CNTN4: variants seen among roughly 807,000 people sequenced by gnomAD.
CNTN4 encodes the protein contactin 4, also known as contactin-4.
A neutral mutation model predicts 122.5 loss-of-function variants in CNTN4; 77 were observed. That is an observed-to-expected ratio of 0.63 (90% confidence interval 0.52 to 0.76). CNTN4 has a LOEUF of 0.76. Among genes scored for constraint, CNTN4 ranks in the 30% least tolerant of loss-of-function variants. The pLI is 0.00. For synonymous variants in CNTN4, 512 were observed against 447.0 expected (o/e 1.15, Z -1.83); for missense variants, 1,256 against 1,259.1 (o/e 1.00, Z 0.04).
chr3:2,990,522 T>C (rs1222874197), intron 14 of CNTN4, among the ~76,000 whole-genome samples: 1 of 152,194 alleles, frequency 6.6e-6, no homozygotes. Flanking sequence ...ATCCTTCTTA[T>C]AAGTATTGGC....
At chr3:2,250,305 C>A (rs1267797237) in intron 2 of CNTN4, among the ~76,000 whole-genome samples, 1 of 151,794 alleles carries the variant, frequency 6.6e-6, no homozygotes, top group Non-Finnish European at 1.5e-5. Flanking sequence ...TGACTAGAAC[C>A]CAGATTTTCT....
chr3:2,959,512 T>G (rs73116630), intron 13 of CNTN4, among the ~76,000 whole-genome samples: 1,814 of 152,250 alleles, frequency 0.012, 34 homozygotes, highest in African/African-American at 0.041. Context: ...AAAAAATCAT[T>G]GAGGAGCTTA....
chr3:2,488,119 T>C (rs2076213930), intron 3 of CNTN4, among the ~76,000 whole-genome samples: 2 of 152,224 alleles, frequency 1.3e-5, no homozygotes, highest in Admixed American at 1.3e-4. Flanking sequence ...TTAGCCAGAA[T>C]GCACATTTTA....
chr3:2,926,850 A>G (rs2094477744), intron 13 of CNTN4, among the ~76,000 whole-genome samples: 1 of 152,120 alleles, frequency 6.6e-6, no homozygotes, highest in African/African-American at 2.4e-5. Flanking sequence ...TCCCTTTCTG[A>G]TTTCTGGTGT....
intron 3 of CNTN4, among the ~76,000 whole-genome samples, chr3:2,405,944 TAGAGTC>T (rs1392324732): frequency 1.3e-5 from 2 of 151,714 alleles, no homozygotes; most frequent in Non-Finnish European, 2.9e-5. Context: ...GGAGGACTGC[TAGAGTC>T]CGGGAGGTCA....
intron 6 of CNTN4, among the ~76,000 whole-genome samples, chr3:2,746,192 A>AAGGTG (rs1426938025): frequency 7.1e-6 from 1 of 141,422 alleles, no homozygotes; most frequent in Non-Finnish European, 1.6e-5. Context: ...TTTAACGATA[A>AAGGTG]AGGTGAGAGT....
intron 3 of CNTN4, among the ~76,000 whole-genome samples, chr3:2,423,608 C>T (rs2047694965): frequency 6.6e-6 from 1 of 151,508 alleles, no homozygotes; most frequent in Non-Finnish European, 1.5e-5. Flanking sequence ...GAAAAATTTG[C>T]TCTGGTTTTG....
chr3:2,242,653 G>A (rs1234123551), intron 2 of CNTN4, among the ~76,000 whole-genome samples: 1 of 152,120 alleles, frequency 6.6e-6, no homozygotes, highest in Non-Finnish European at 1.5e-5. Flanking sequence ...CAATCTTCCT[G>A]TGCTCTATTG....
chr3:2,720,685 C>G (rs2087794917), intron 4 of CNTN4, among the ~76,000 whole-genome samples: 1 of 152,106 alleles, frequency 6.6e-6, no homozygotes, highest in Non-Finnish European at 1.5e-5. Context: ...CTTCCTATGC[C>G]AAACACTTCC....
intron 3 of CNTN4, among the ~76,000 whole-genome samples, chr3:2,530,941 A>T (rs1477478630): frequency 6.6e-6 from 1 of 152,150 alleles, no homozygotes; most frequent in Admixed American, 6.6e-5. Flanking sequence ...AAGCTTTCCC[A>T]GTCTCTTACC....
chr3:2,490,915 G>A (rs992777846), intron 3 of CNTN4, among the ~76,000 whole-genome samples: 3 of 152,114 alleles, frequency 2.0e-5, no homozygotes, highest in African/African-American at 4.8e-5. Flanking sequence ...CGACCAAGAT[G>A]CTGTTATTCA....
At chr3:2,912,790 G>T (rs1006657261) in intron 12 of CNTN4, among the ~76,000 whole-genome samples, 7 of 152,144 alleles carry the variant, frequency 4.6e-5, no homozygotes, top group Non-Finnish European at 1.0e-4. Context: ...TAACCACAAA[G>T]ATAATATCTA....
chr3:2,826,370 C>T lies in CNTN4; in HGVS notation c.454+6789C>T, dbSNP rs543587413. Among the ~76,000 whole-genome samples, 3 of 152,300 alleles carry T rather than the reference C, an allele frequency of 2.0e-5. No individual in the cohort carries two copies. The East Asian group carries it at 5.8e-4, about 29-fold the overall frequency. ...CAGCAAAACGTCTCTATATGCAAAC[C>T]TCTCCAGGGTTCCATAAATGTAATT... On this transcript the variant is annotated intron_variant, in intron 7 of 24. Transcript: ENST00000418658.
intron 2 of CNTN4, among the ~76,000 whole-genome samples, chr3:2,297,631 C>T (rs2042362158): frequency 6.6e-6 from 1 of 152,176 alleles, no homozygotes; most frequent in African/African-American, 2.4e-5. Flanking sequence ...TTTCCGTCTA[C>T]CTACAAATAA....
At chr3:2,335,602 T>A (rs1290476921) in intron 2 of CNTN4, among the ~76,000 whole-genome samples, 6 of 131,386 alleles carry the variant, frequency 4.6e-5, no homozygotes, top group Admixed American at 3.1e-4. Context: ...TTTTTTTTTT[T>A]AACCTTCTTT....
At chr3:2,656,515 A>G (rs1213023091) in intron 4 of CNTN4, among the ~76,000 whole-genome samples, 1 of 152,250 alleles carries the variant, frequency 6.6e-6, no homozygotes, top group Non-Finnish European at 1.5e-5. Context: ...GACAGCAACT[A>G]TGTCTGTTCT....
At chr3:2,927,307 G>C (rs779066809) in intron 13 of CNTN4, 1 of 456,004 alleles carries the variant, frequency 2.2e-6, no homozygotes. Flanking sequence ...GTGTACATCA[G>C]GGGTTTGGTA....
intron 4 of CNTN4, among the ~76,000 whole-genome samples, chr3:2,637,881 TC>T (rs1326475043): frequency 6.6e-6 from 1 of 152,136 alleles, no homozygotes; most frequent in Non-Finnish European, 1.5e-5. Context: ...GAATGCCTAA[TC>T]TAACTTTGAT....
chr3:2,773,880 C>A (rs1481681229), intron 6 of CNTN4, among the ~76,000 whole-genome samples: 2 of 151,184 alleles, frequency 1.3e-5, no homozygotes, highest in African/African-American at 2.4e-5. Flanking sequence ...CTGCCTCAGT[C>A]TCCCAAGTAA....
Sources: gnomAD v4.1 joint callset for allele counts (sites outside exome capture counted in the v4.1 genomes callset) on GRCh38, gnomAD v4.1.1 for gene constraint, MANE v1.5 for transcripts, NCBI Gene and HGNC (gene_info 2026-07-23, HGNC 2026-07-21) for gene names.